The following CDH5 variants were observed in gnomAD, a reference collection of about 807,000 sequenced individuals.
CDH5 encodes cadherin-5.
CDH5 carries 28 observed loss-of-function variants against 62.0 expected under a neutral mutation model. That is an observed-to-expected ratio of 0.45 (90% confidence interval 0.33 to 0.62). CDH5 has a LOEUF of 0.62. Among genes scored for constraint, CDH5 ranks in the 20% least tolerant of loss-of-function variants. The probability of loss-of-function intolerance (pLI) is 0.02; values close to 1 mark genes in which losing one functional copy is unlikely to be tolerated. For synonymous variants in CDH5, 464 were observed against 445.8 expected (o/e 1.04, Z -0.52); for missense variants, 940 against 1,065.1 (o/e 0.88, Z 1.63).
intron 1 of CDH5, among the ~76,000 whole-genome samples, chr16:66,367,218 G>A (rs1047835577): frequency 2.0e-5 from 3 of 152,194 alleles, no homozygotes; most frequent in African/African-American, 7.2e-5. Flanking sequence ...CGCCACTAAA[G>A]CTCTATGCTG....
chr16:66,367,999 G>A (rs1310165420), intron 1 of CDH5, among the ~76,000 whole-genome samples: 4 of 152,186 alleles, frequency 2.6e-5, no homozygotes, highest in Non-Finnish European at 5.9e-5. Flanking sequence ...ACCCCATCAC[G>A]GAGGGGTCCT....
intron 11 of CDH5, among the ~76,000 whole-genome samples, chr16:66,401,963 G>A (rs1961290717): frequency 6.6e-6 from 1 of 152,174 alleles, no homozygotes; most frequent in Non-Finnish European, 1.5e-5. Context: ...CCTGAGAGTG[G>A]CCTCGGTATG....
chr16:66,396,132 A>C lies in CDH5; in HGVS notation c.1291A>C (p.Lys431Gln), dbSNP rs1961181357. Residue 431 changes from lysine to glutamine, a missense_variant, in exon 8 of 12, where the codon AAA becomes CAA. Lys to Gln is a moderately conservative substitution (Grantham distance 53, BLOSUM62 1). Coordinates refer to ENST00000341529, the MANE Select transcript of CDH5 (RefSeq NM_001795.5). The stretch of plus-strand genomic sequence containing the variant: ...AAAAAAGGGGGACATTTACAATGAG[A>C]AAGAACTGGACAGAGAAGTCTACCC... Reference protein sequence around the residue: ...VTKKGDIYNEKELDREVYPWY... With the variant: ...VTKKGDIYNEQELDREVYPWY... 3 of 1,614,082 alleles carry C rather than the reference A, an allele frequency of 1.9e-6. No individual in the cohort carries two copies. The highest frequency in any genetic ancestry group is 2.5e-6 in the Non-Finnish European group (3 of 1,180,020).
intron 1 of CDH5, among the ~76,000 whole-genome samples, chr16:66,374,438 G>A (rs866450239): frequency 1.3e-5 from 2 of 152,222 alleles, no homozygotes; most frequent in African/African-American, 4.8e-5. Context: ...GCCAGTCTCA[G>A]CCCTGTCAGA....
chr16:66,380,291 A>G (rs62637758), intron 2 of CDH5, among the ~76,000 whole-genome samples: 93,216 of 130,466 alleles, frequency 0.71, 33,037 homozygotes, highest in East Asian at 0.82. Context: ...GTAGGTGGTG[A>G]TTGTGATAAT....
rs1485789228 is a variant in CDH5 at position 66,404,124 on chromosome 16, T to A, written c.*955T>A. 1 of 152,748 alleles carries A rather than the reference T, an allele frequency of 6.5e-6. No individual in the cohort carries two copies. The highest frequency in any genetic ancestry group is 1.9e-4 in the East Asian group (1 of 5,190). The allele number at this position is 152,748 out of a possible 1,614,324, so 9.5% of individuals were successfully genotyped here. A position where few individuals can be genotyped will look rare whatever the true frequency, so the allele number is the denominator to read the frequency against. ...TGCTCTCTTTCTTTTCTCTGTCTAC[T>A]CCTTATCCCTTGGTTTAGAGGAACC... On this transcript the variant is annotated 3_prime_UTR_variant, in exon 12 of 12. Transcript: ENST00000341529.
At chr16:66,390,183 A>T (rs1308940059) in intron 5 of CDH5, among the ~76,000 whole-genome samples, 2 of 152,180 alleles carry the variant, frequency 1.3e-5, no homozygotes, top group Admixed American at 6.5e-5. Flanking sequence ...CCTGGCATAC[A>T]ATAGGTGCTC....
intron 1 of CDH5, among the ~76,000 whole-genome samples, chr16:66,375,505 C>T (rs759624520): frequency 5.6e-4 from 85 of 151,008 alleles, no homozygotes; most frequent in Non-Finnish European, 9.3e-4. Flanking sequence ...CCAGCCTGGG[C>T]GACAGAGGGA....
chr16:66,390,034 G>C (rs931594152), intron 5 of CDH5, among the ~76,000 whole-genome samples: 2 of 152,228 alleles, frequency 1.3e-5, no homozygotes, highest in African/African-American at 4.8e-5. Context: ...GCAACTCCCA[G>C]TGCTGATACT....
chr16:66,388,516 C>G (rs1961026147), intron 4 of CDH5, 76 bp downstream of exon 4: 1 of 942,480 alleles, frequency 1.1e-6, no homozygotes, highest in African/African-American at 1.6e-5. Context: ...GGTGCATGTG[C>G]TAAGGGAAGT....
In CDH5 at chr16:66,397,953, C is replaced by G. The variant is rs774647003; in HGVS notation, c.1361-29C>G. 4 of 1,613,988 alleles carry G rather than the reference C, an allele frequency of 2.5e-6. No individual in the cohort carries two copies. In the South Asian group the frequency reaches 4.4e-5, roughly 18 times the overall value. On this transcript the variant is annotated intron_variant, in intron 8 of 11. Coordinates refer to ENST00000341529, the MANE Select transcript of CDH5 (RefSeq NM_001795.5). The stretch of plus-strand genomic sequence containing the variant: ...GCCCAAGGCCAGCATCAGCTGAGCC[C>G]ATAATGGTGACAGTCTTCTCCCCTG...
At chr16:66,385,313 T>C (rs1056445910) in intron 2 of CDH5, among the ~76,000 whole-genome samples, 1 of 152,228 alleles carries the variant, frequency 6.6e-6, no homozygotes, top group Admixed American at 6.5e-5. Context: ...CTGTTTGGTG[T>C]AAGATGCTTT....
chr16:66,394,103 T>A (rs1961134257), intron 7 of CDH5, among the ~76,000 whole-genome samples: 2 of 152,236 alleles, frequency 1.3e-5, no homozygotes, highest in Admixed American at 1.3e-4. Context: ...TGTGTCCACT[T>A]CTTCCTAGAA....
chr16:66,388,267 A>G, intron 3 of CDH5, 57 bp from the exon 4 acceptor site: 1 of 1,065,828 alleles, frequency 9.4e-7, no homozygotes, highest in Admixed American at 1.7e-5. Flanking sequence ...TGTTCCAGGA[A>G]TGGGGTAAGG....
intron 11 of CDH5, among the ~76,000 whole-genome samples, chr16:66,401,986 G>T (rs576116081): frequency 1.3e-5 from 2 of 152,244 alleles, no homozygotes; most frequent in African/African-American, 4.8e-5. Flanking sequence ...CGACTTCTGG[G>T]ACTTCTCCAG....
At chr16:66,398,661 G>A in intron 10 of CDH5, 100 bp downstream of exon 10, 1 of 662,458 alleles carries the variant, frequency 1.5e-6, no homozygotes, top group African/African-American at 1.8e-5. Flanking sequence ...GAGCCCAGGA[G>A]TTTGAGGCTG....
At chr16:66,389,681 T>A (rs1961049030) in intron 5 of CDH5, among the ~76,000 whole-genome samples, 159 bp downstream of exon 5, 1 of 152,072 alleles carries the variant, frequency 6.6e-6, no homozygotes, top group Non-Finnish European at 1.5e-5. Flanking sequence ...GGAGGGGCCC[T>A]GCTTCCATCC....
chr16:66,379,483 G>A lies in CDH5; in HGVS notation c.146G>A (p.Trp49Ter), dbSNP rs1472679853. ...LPTHRRQKRD[W>*]IWNQMHIDEE... ...ACCCACCGGCGCCAAAAGAGAGATT[G>A]GATTTGGAACCAGATGCACATTGAT... is the stretch of plus-strand genomic sequence containing the variant. The change falls in exon 2 of 12, where the codon TGG becomes TAG. Residue 49 changes from tryptophan (W) to a stop codon, truncating the protein, a stop_gained. Transcript: ENST00000341529. LOFTEE classifies it high-confidence loss of function. 2.5e-6 allele frequency: 4 copies of A among 1,614,100 alleles called. No individual in the cohort carries two copies. Among genetic ancestry groups the A allele is most frequent in the Non-Finnish European group, 2.5e-6 (3 of 1,180,046 alleles).
intron 5 of CDH5, 71 bp downstream of exon 5, chr16:66,389,593 G>GA: frequency 7.6e-7 from 1 of 1,322,110 alleles, no homozygotes. Context: ...GGGGCTCTGG[G>GA]AAAAGAGTTA....
Sources: allele counts gnomAD v4.1 joint callset (sites outside exome capture counted in the v4.1 genomes callset), GRCh38; gene constraint gnomAD v4.1.1; transcripts MANE v1.5; gene names NCBI Gene and HGNC (gene_info 2026-07-23, HGNC 2026-07-21).